The following CPEB3 variants were observed in gnomAD, a reference collection of about 807,000 sequenced individuals.
CPEB3 encodes the protein cytoplasmic polyadenylation element-binding protein 3.
In CPEB3, 20 loss-of-function variants were observed where a neutral mutation model predicts 67.2. The observed-to-expected ratio is 0.30, with a 90% CI of 0.21 to 0.43. CPEB3 has a LOEUF of 0.43. Among genes scored for constraint, CPEB3 ranks in the 20% least tolerant of loss-of-function variants. CPEB3 has a pLI of 1.00. For missense variants in CPEB3, 746 were observed against 968.6 expected (o/e 0.77, Z 3.05); for synonymous variants, 376 against 393.1 (o/e 0.96, Z 0.51).
intron 1 of CPEB3, among the ~76,000 whole-genome samples, chr10:92,279,128 G>A (rs1842140484): frequency 6.6e-6 from 1 of 152,116 alleles, no homozygotes; most frequent in Non-Finnish European, 1.5e-5. Context: ...ATCATAGGGG[G>A]AAAGCATTCA....
intron 2 of CPEB3, among the ~76,000 whole-genome samples, chr10:92,227,189 G>C (rs1356702816): frequency 6.6e-6 from 1 of 152,194 alleles, no homozygotes; most frequent in Non-Finnish European, 1.5e-5. Context: ...GAGGTAGGGA[G>C]AGCGGAGGAG....
chr10:92,107,656 A>C (rs1247493800), intron 7 of CPEB3, among the ~76,000 whole-genome samples: 3 of 152,130 alleles, frequency 2.0e-5, no homozygotes, highest in African/African-American at 7.2e-5. Flanking sequence ...GCACATGGAC[A>C]CAGCTGTCTT....
In CPEB3 at chr10:92,216,375, C is replaced by T. The variant is rs557895978; in HGVS notation, c.1005+22971G>A. Reference sequence around the variant, plus strand: ...GATCCCGAAGGGCCCGAGGCTCAGGCGGAGGTGTGTTCCGGGGAGCGCACC... The same window carrying T: ...GATCCCGAAGGGCCCGAGGCTCAGGTGGAGGTGTGTTCCGGGGAGCGCACC... On this transcript the variant is annotated intron_variant, in intron 2 of 9. Transcript: ENST00000265997. The T allele has an allele frequency of 4.8e-5, 77 of 1,611,802 alleles. No individual in the cohort carries two copies. In the South Asian group the frequency reaches 7.7e-4, roughly 16 times the overall value.
chr10:92,231,639 T>C (rs754119360), intron 2 of CPEB3, among the ~76,000 whole-genome samples: 7 of 152,194 alleles, frequency 4.6e-5, no homozygotes, highest in South Asian at 2.1e-4. Context: ...CCAAGTTTCA[T>C]AGGTTGTCCA....
chr10:92,134,962 T>C (rs980076125), intron 6 of CPEB3, among the ~76,000 whole-genome samples: 1 of 152,140 alleles, frequency 6.6e-6, no homozygotes, highest in Non-Finnish European at 1.5e-5. Context: ...GCTAGCCATA[T>C]GTAGAAAGCT....
intron 1 of CPEB3, among the ~76,000 whole-genome samples, chr10:92,268,052 G>A (rs1244468052): frequency 1.3e-5 from 2 of 152,022 alleles, no homozygotes; most frequent in African/African-American, 2.4e-5. Context: ...TCTTGACCTC[G>A]TGATCCACTT....
At chr10:92,229,602 T>A (rs892558511) in intron 2 of CPEB3, among the ~76,000 whole-genome samples, 1 of 152,224 alleles carries the variant, frequency 6.6e-6, no homozygotes, top group African/African-American at 2.4e-5. Context: ...GCATACCAAA[T>A]CTACACATAT....
rs531643943 is a variant in CPEB3 at position 92,050,895 on chromosome 10, T to C, written c.*1317A>G. On this transcript the variant is annotated 3_prime_UTR_variant, in exon 10 of 10. Transcript: ENST00000265997. ...GTAAAATGGTGCAAGCACTAAGAGATTGTAACTAAGAGCTCATGTGTTAGT... is the reference window on the plus strand; with the variant it reads ...GTAAAATGGTGCAAGCACTAAGAGACTGTAACTAAGAGCTCATGTGTTAGT... 7.9e-5 allele frequency: 12 copies of C among 152,788 alleles called. No individual in the cohort carries two copies. Among genetic ancestry groups the C allele is most frequent in the East Asian group, 1.9e-4 (1 of 5,190 alleles). The allele number at this position is 152,788 out of a possible 1,614,324, so 9.5% of individuals were successfully genotyped here. A position where few individuals can be genotyped will look rare whatever the true frequency, so the allele number is the denominator to read the frequency against.
chr10:92,282,568 A>G (rs765448714), intron 1 of CPEB3, among the ~76,000 whole-genome samples: 2 of 152,078 alleles, frequency 1.3e-5, no homozygotes, highest in Non-Finnish European at 2.9e-5. Context: ...CGTGCCTGTA[A>G]TCCCAAACTC....
chr10:92,088,197 T>C (rs1370020880), intron 8 of CPEB3, among the ~76,000 whole-genome samples: 2 of 152,030 alleles, frequency 1.3e-5, no homozygotes, highest in Admixed American at 6.6e-5. Flanking sequence ...TCTTTTCCTT[T>C]CTAGGACTGT....
At chr10:92,178,499 A>G (rs1038176515) in intron 4 of CPEB3, among the ~76,000 whole-genome samples, 1 of 152,170 alleles carries the variant, frequency 6.6e-6, no homozygotes, top group Non-Finnish European at 1.5e-5. Flanking sequence ...GAAAGGAAGA[A>G]GGATAGACCA....
intron 9 of CPEB3, among the ~76,000 whole-genome samples, chr10:92,065,888 G>A (rs1473568942): frequency 6.6e-6 from 1 of 151,914 alleles, no homozygotes; most frequent in Admixed American, 6.6e-5. Context: ...GAGCTCAGGA[G>A]CTCGAGACCA....
At chr10:92,279,496 C>A (rs1418817963) in intron 1 of CPEB3, among the ~76,000 whole-genome samples, 1 of 152,112 alleles carries the variant, frequency 6.6e-6, no homozygotes, top group African/African-American at 2.4e-5. Context: ...AGTACTCCAG[C>A]ATATGTCTAT....
At chr10:92,227,004 A>C (rs1253039750) in intron 2 of CPEB3, among the ~76,000 whole-genome samples, 2 of 152,234 alleles carry the variant, frequency 1.3e-5, no homozygotes, top group Non-Finnish European at 2.9e-5. Context: ...GAAAGGAAGC[A>C]TAAATAATAC....
chr10:92,200,565 A>T (rs1312496237), intron 2 of CPEB3, among the ~76,000 whole-genome samples: 2 of 151,542 alleles, frequency 1.3e-5, no homozygotes, highest in South Asian at 2.1e-4. Context: ...AAAAAAAAAA[A>T]AAAAGATTAG....
intron 1 of CPEB3, among the ~76,000 whole-genome samples, chr10:92,249,267 T>A (rs904801124): frequency 2.0e-5 from 3 of 151,752 alleles, no homozygotes; most frequent in Admixed American, 2.0e-4. Context: ...TAGTCCCAGC[T>A]ACTCAGGAGG....
intron 8 of CPEB3, among the ~76,000 whole-genome samples, chr10:92,089,556 G>T (rs1311051730): frequency 1.3e-5 from 2 of 152,170 alleles, no homozygotes; most frequent in Non-Finnish European, 2.9e-5. Flanking sequence ...GGAGGCCGAG[G>T]CGGGTGAATC....
At chr10:92,136,568 T>C (rs1341901987) in intron 6 of CPEB3, among the ~76,000 whole-genome samples, 2 of 151,338 alleles carry the variant, frequency 1.3e-5, no homozygotes, top group Non-Finnish European at 2.9e-5. Flanking sequence ...GTATTTCTTC[T>C]TTTTTTTTCT....
intron 3 of CPEB3, among the ~76,000 whole-genome samples, chr10:92,189,204 CA>C (rs947681418): frequency 6.6e-6 from 1 of 151,962 alleles, no homozygotes; most frequent in African/African-American, 2.4e-5. Context: ...ATTGGAAAAC[CA>C]AAATAACCAA....
Sources: gnomAD v4.1 joint callset for allele counts (sites outside exome capture counted in the v4.1 genomes callset) on GRCh38, gnomAD v4.1.1 for gene constraint, MANE v1.5 for transcripts, NCBI Gene and HGNC (gene_info 2026-07-23, HGNC 2026-07-21) for gene names.